Variants in ITGA2 observed in about 807,000 individuals in gnomAD.
The protein encoded by ITGA2 is integrin subunit alpha 2.
ITGA2 carries 101 observed loss-of-function variants against 146.3 expected under a neutral mutation model. That is an observed-to-expected ratio of 0.69 (90% CI 0.59 to 0.81). ITGA2 has a LOEUF of 0.81. ITGA2 is among the 40% of genes least tolerant of loss of function. The pLI is 0.00. For missense variants in ITGA2, 1,281 were observed against 1,402.7 expected (o/e 0.91, Z 1.39); for synonymous variants, 477 against 487.1 (o/e 0.98, Z 0.27).
At chr5:53,057,280 TTA>T (rs1431185727) in intron 9 of ITGA2, among the ~76,000 whole-genome samples, 2 of 152,006 alleles carry the variant, frequency 1.3e-5, no homozygotes, top group Admixed American at 1.3e-4. Flanking sequence ...GTAAATTATT[TTA>T]TCTTCTAAAT....
At chr5:53,036,758 T>C (rs942885231) in intron 2 of ITGA2, among the ~76,000 whole-genome samples, 1 of 152,068 alleles carries the variant, frequency 6.6e-6, no homozygotes, top group Non-Finnish European at 1.5e-5. Flanking sequence ...GCTAGAAACT[T>C]TTTTACTGAT....
In ITGA2 at chr5:53,074,927, A is replaced by G. The variant is rs566404336; in HGVS notation, c.2665-134A>G. The G allele has an allele frequency of 4.5e-6, 3 of 670,486 alleles. No homozygotes were observed. In the South Asian group the frequency reaches 5.2e-5, roughly 12 times the overall value. The allele number at this position is 670,486 out of a possible 1,614,324, so 41.5% of individuals were successfully genotyped here. A position where few individuals can be genotyped will look rare whatever the true frequency, so the allele number is the denominator to read the frequency against. The stretch of plus-strand genomic sequence containing the variant: ...GTGGACAAATAAAGATATTCCACAA[A>G]TTTGAAAGCTTAAGGTATATAAAAT... On this transcript the variant is annotated intron_variant, in intron 21 of 29. Transcript: ENST00000296585.
intron 1 of ITGA2, among the ~76,000 whole-genome samples, chr5:53,005,658 C>T (rs949192105): frequency 1.6e-4 from 25 of 151,546 alleles, no homozygotes; most frequent in African/African-American, 6.1e-4. Flanking sequence ...GTGCCCCCCT[C>T]AGTAGTGTAT....
chr5:53,051,612 T>A (rs1744369789), intron 7 of ITGA2, 53 bp downstream of exon 7: 2 of 1,526,728 alleles, frequency 1.3e-6, no homozygotes, highest in African/African-American at 1.4e-5. Context: ...ACATTATATT[T>A]ATGTAATAAA....
Position 53,067,077 on chromosome 5 carries a change from G to A in ITGA2, c.1944-41G>A, listed in dbSNP as rs60938644. On this transcript the variant is annotated intron_variant, in intron 15 of 29. Transcript: ENST00000296585. ...ATAAAGGATATAATACGTGTGCTCA[G>A]TAATAACATCCATCCATCTGTTACT... The A allele has an allele frequency of 3.3e-4, 519 of 1,595,684 alleles. 2 individuals are homozygous for A. The African/African-American group carries it at 6.6e-3, about 20-fold the overall frequency.
At chr5:53,062,434 G>A (rs1165880804) in intron 12 of ITGA2, among the ~76,000 whole-genome samples, 2 of 151,800 alleles carry the variant, frequency 1.3e-5, no homozygotes, top group African/African-American at 2.4e-5. Context: ...TGCCTTATAA[G>A]TATGTCTTTG....
At position 53,063,206 on chromosome 5, in the gene ITGA2, C is replaced by T. The variant is rs188800280; in HGVS notation, c.1602+277C>T. On this transcript the variant is annotated intron_variant, in intron 13 of 29. Coordinates refer to ENST00000296585, the MANE Select transcript of ITGA2 (RefSeq NM_002203.4). ...AAATAAAGCCATTATAAGTGCACATCGTTTATTGAAATATGCACACACACA... is the reference window on the plus strand; with the variant it reads ...AAATAAAGCCATTATAAGTGCACATTGTTTATTGAAATATGCACACACACA... Among the ~76,000 whole-genome samples, 90 of 151,912 alleles carry T rather than the reference C, an allele frequency of 5.9e-4. 1 individual carries two copies. The highest frequency in any genetic ancestry group is 2.7e-3 in the East Asian group (14 of 5,146).
chr5:52,999,638 C>G (rs1227535247), intron 1 of ITGA2, among the ~76,000 whole-genome samples: 1 of 151,950 alleles, frequency 6.6e-6, no homozygotes. Context: ...AAAAGGAACA[C>G]TGAGCATGGT....
intron 1 of ITGA2, among the ~76,000 whole-genome samples, chr5:53,022,815 C>T (rs1250015017): frequency 6.6e-6 from 1 of 152,152 alleles, no homozygotes. Context: ...ATCCTCCTGC[C>T]TCAGACTCTA....
chr5:53,072,006 C>T lies in ITGA2; in HGVS notation c.2304C>T (p.Ser768=), dbSNP rs757218737. Residue 768 remains serine (S), a synonymous_variant, in exon 18 of 30, where the codon AGC becomes AGT. Coordinates refer to ENST00000296585, the MANE Select transcript of ITGA2 (RefSeq NM_002203.4). The stretch of plus-strand genomic sequence containing the variant: ...TCAGTCTGGAAAACCCTGGCACTAG[C>T]CCTGCCCTTGAAGCCTATTCTGAGA... ...VDISLENPGT[S]PALEAYSETA... is the part of the protein sequence containing the mutation. The T allele has an allele frequency of 6.2e-6, 10 of 1,612,292 alleles. No homozygotes were observed. The highest frequency in any genetic ancestry group is 8.5e-6 in the Non-Finnish European group (10 of 1,178,912).
Position 53,026,870 on chromosome 5 carries a change from T to C in ITGA2, c.185+2T>C. On this transcript the variant is annotated splice_donor_variant, in intron 2 of 29. Transcript: ENST00000296585. LOFTEE classifies it high-confidence loss of function. The stretch of plus-strand genomic sequence containing the variant: ...GTTTATAAATCCAAAAGGCAACTGG[T>C]AAGAATATTCTCTTCTTTATGATTT... The C allele has an allele frequency of 6.2e-7, 1 of 1,610,886 alleles. No homozygotes were observed. The highest frequency in any genetic ancestry group is 1.1e-5 in the South Asian group (1 of 90,968).
At position 53,092,582 on chromosome 5, in the gene ITGA2, C is replaced by G. The variant is rs1418173514; in HGVS notation, c.*1983C>G. 6.7e-6 allele frequency: 1 copy of G among 149,730 alleles called. No individual in the cohort carries two copies. Among genetic ancestry groups the G allele is most frequent in the Non-Finnish European group, 1.5e-5 (1 of 67,706 alleles). 9.3% of individuals were successfully genotyped at this position (149,730 alleles called of 1,614,324 possible). A position where few individuals can be genotyped will look rare whatever the true frequency, so the allele number is the denominator to read the frequency against. The stretch of plus-strand genomic sequence containing the variant: ...GTATGCCAGAGTCCAATTCTTTTAA[C>G]AGCTGTGAGAATTTGCTGCTTCATT... On this transcript the variant is annotated 3_prime_UTR_variant, in exon 30 of 30. Coordinates refer to ENST00000296585, the MANE Select transcript of ITGA2 (RefSeq NM_002203.4).
chr5:53,049,859 T>TTGACAC (rs201969549), intron 6 of ITGA2, among the ~76,000 whole-genome samples: 1 of 152,166 alleles, frequency 6.6e-6, no homozygotes, highest in African/African-American at 2.4e-5. Context: ...ATTGTTGACA[T>TTGACAC]ATTTTTCCCT....
chr5:53,043,962 G>A (rs1743931890), intron 3 of ITGA2, among the ~76,000 whole-genome samples: 1 of 151,948 alleles, frequency 6.6e-6, no homozygotes, highest in African/African-American at 2.4e-5. Context: ...TCTGAGTTGA[G>A]GTTGGAGGCT....
intron 1 of ITGA2, among the ~76,000 whole-genome samples, chr5:53,020,142 CTCAATAAGTTTAT>C (rs1338405495): frequency 6.6e-6 from 1 of 152,034 alleles, no homozygotes; most frequent in Non-Finnish European, 1.5e-5. Context: ...ATCATAAATA[CTCAATAAGTTTAT>C]TGAGTGAACA....
chr5:53,073,943 C>T (rs1028540097), intron 20 of ITGA2, among the ~76,000 whole-genome samples: 4 of 64,006 alleles, frequency 6.2e-5, no homozygotes, highest in South Asian at 9.9e-4. Context: ...CTGAAGAAAA[C>T]TAAAAAAAAA....
At chr5:52,997,683 C>A (rs1307050867) in intron 1 of ITGA2, among the ~76,000 whole-genome samples, 1 of 152,178 alleles carries the variant, frequency 6.6e-6, no homozygotes, top group African/African-American at 2.4e-5. Flanking sequence ...TGAACACAAG[C>A]TGGCTTCGGG....
Position 53,072,042 on chromosome 5 carries a change from C to T in ITGA2, c.2340C>T (p.Val780=), listed in dbSNP as rs779779104. The part of the protein sequence containing the change: ...ALEAYSETAK[V]FSIPFHKDCG... The stretch of plus-strand genomic sequence containing the variant: ...AAGCCTATTCTGAGACTGCCAAGGT[C>T]TTCAGTGTAAGTGCAGCTTACACTT... Residue 780 remains valine, a synonymous_variant, in exon 18 of 30, where the codon GTC becomes GTT. Coordinates refer to ENST00000296585, the MANE Select transcript of ITGA2 (RefSeq NM_002203.4). 5.6e-6 allele frequency: 9 copies of T among 1,608,028 alleles called. No homozygotes were observed. The highest frequency in any genetic ancestry group is 7.7e-6 in the Non-Finnish European group (9 of 1,175,178).
intron 1 of ITGA2, among the ~76,000 whole-genome samples, chr5:53,006,077 G>A (rs1741832976): frequency 6.6e-6 from 1 of 152,110 alleles, no homozygotes; most frequent in African/African-American, 2.4e-5. Context: ...GGCGAGGGGA[G>A]AGAGAGCATC....
Sources: gnomAD v4.1 joint callset for allele counts (sites outside exome capture counted in the v4.1 genomes callset) on GRCh38, gnomAD v4.1.1 for gene constraint, MANE v1.5 for transcripts, NCBI Gene and HGNC (gene_info 2026-07-23, HGNC 2026-07-21) for gene names.